Variants in ZC2HC1A observed in about 807,000 individuals in gnomAD.
ZC2HC1A encodes the protein zinc finger C2HC domain-containing protein 1A.
In ZC2HC1A, 28 loss-of-function variants were observed where a neutral mutation model predicts 40.7. That is an observed-to-expected ratio of 0.69 (90% CI 0.51 to 0.94). The LOEUF is 0.94. Among genes scored for constraint, ZC2HC1A ranks in the 40% least tolerant of loss-of-function variants. ZC2HC1A has a pLI of 0.00. For missense variants in ZC2HC1A, 389 were observed against 386.3 expected, an observed-to-expected ratio of 1.01 and a Z score of -0.06; for synonymous variants, 129 against 129.2, an observed-to-expected ratio of 1.00 and a Z score of 0.01.
intron 1 of ZC2HC1A, among the ~76,000 whole-genome samples, chr8:78,669,419 T>G (rs1187404085): frequency 6.6e-6 from 1 of 152,174 alleles, no homozygotes; most frequent in Non-Finnish European, 1.5e-5. Flanking sequence ...GCCCTCTCAG[T>G]GTGTGTTTGT....
chr8:78,715,666 G>A (rs1213303314), intron 8 of ZC2HC1A, among the ~76,000 whole-genome samples: 1 of 152,178 alleles, frequency 6.6e-6, no homozygotes, highest in Non-Finnish European at 1.5e-5. Flanking sequence ...AACTGCAGAT[G>A]TACTAGCAAA....
chr8:78,680,880 A>G (rs961902752), intron 3 of ZC2HC1A, among the ~76,000 whole-genome samples: 1 of 152,148 alleles, frequency 6.6e-6, no homozygotes, highest in African/African-American at 2.4e-5. Context: ...GCAAGACAGA[A>G]ACTGGGAGGA....
chr8:78,710,020 C>G (rs1338142303), intron 7 of ZC2HC1A, among the ~76,000 whole-genome samples: 1 of 152,170 alleles, frequency 6.6e-6, no homozygotes, highest in Non-Finnish European at 1.5e-5. Context: ...AATTCACTCT[C>G]CTGGTATCAA....
chr8:78,690,412 T>G (rs936717262), intron 5 of ZC2HC1A, among the ~76,000 whole-genome samples: 2 of 151,992 alleles, frequency 1.3e-5, no homozygotes, highest in Non-Finnish European at 2.9e-5. Context: ...TACAAAAAAT[T>G]AGCTGGACGT....
chr8:78,713,297 G>T (rs1284691405), intron 7 of ZC2HC1A, among the ~76,000 whole-genome samples: 1 of 151,810 alleles, frequency 6.6e-6, no homozygotes, highest in Non-Finnish European at 1.5e-5. Context: ...TAAATGACAG[G>T]TATTTAATAT....
intron 3 of ZC2HC1A, among the ~76,000 whole-genome samples, chr8:78,682,426 A>T (rs1809817089): frequency 6.6e-6 from 1 of 152,164 alleles, no homozygotes; most frequent in Non-Finnish European, 1.5e-5. Flanking sequence ...GTGGAAGGTG[A>T]AGAAGGAACA....
intron 7 of ZC2HC1A, among the ~76,000 whole-genome samples, chr8:78,709,674 T>C (rs1233519074): frequency 1.3e-5 from 2 of 151,802 alleles, no homozygotes; most frequent in African/African-American, 4.8e-5. Context: ...AGAATTGTCT[T>C]GGACCACATA....
intron 7 of ZC2HC1A, among the ~76,000 whole-genome samples, chr8:78,711,277 T>G (rs1810941652): frequency 6.6e-6 from 1 of 152,134 alleles, no homozygotes; most frequent in Non-Finnish European, 1.5e-5. Context: ...ATTCAGTTAT[T>G]TGGTTGGTTG....
chr8:78,686,066 A>G (rs1302969260), intron 3 of ZC2HC1A: 1 of 152,472 alleles, frequency 6.6e-6, no homozygotes, highest in African/African-American at 2.4e-5. Flanking sequence ...GGATAATGGC[A>G]TTAATCCATC....
intron 8 of ZC2HC1A, among the ~76,000 whole-genome samples, chr8:78,716,817 TCCCCA>T (rs1811121306): frequency 6.6e-6 from 1 of 152,108 alleles, no homozygotes; most frequent in Non-Finnish European, 1.5e-5. Flanking sequence ...GGGGTGGACT[TCCCCA>T]TTGCTGTTCT....
chr8:78,717,178 A>G, intron 8 of ZC2HC1A, 150 bp from the exon 9 acceptor site: 1 of 664,678 alleles, frequency 1.5e-6, no homozygotes, highest in Non-Finnish European at 2.3e-6. Context: ...AGTATTTACT[A>G]ACAAGGATTT....
At chr8:78,704,038 A>G (rs945661648) in intron 7 of ZC2HC1A, among the ~76,000 whole-genome samples, 27 of 152,070 alleles carry the variant, frequency 1.8e-4, no homozygotes, top group African/African-American at 6.0e-4. Flanking sequence ...TCCTTCACTT[A>G]TGAAGCTTAG....
At chr8:78,687,448 C>CTA (rs1810023674) in intron 4 of ZC2HC1A, among the ~76,000 whole-genome samples, 1 of 143,814 alleles carries the variant, frequency 7.0e-6, no homozygotes, top group African/African-American at 2.5e-5. Flanking sequence ...AAGCCATAGA[C>CTA]TATATATACA....
chr8:78,675,898 C>T lies in ZC2HC1A; in HGVS notation c.93+35C>T, dbSNP rs146890626. ...CTGATTTTGTACCTTTATGGTTTTA[C>T]AGATCTGTAATTGTTCAATAATTCT... is the stretch of plus-strand genomic sequence containing the variant. On this transcript the variant is annotated intron_variant, in intron 2 of 8. Transcript: ENST00000263849. 5.2e-5 allele frequency: 80 copies of T among 1,549,152 alleles called. No individual in the cohort carries two copies. In the East Asian group the frequency reaches 1.8e-3, roughly 34 times the overall value.
rs142455669 is a variant in ZC2HC1A at position 78,675,305 on chromosome 8, T to C, written c.17-482T>C. On this transcript the variant is annotated intron_variant, in intron 1 of 8. Transcript: ENST00000263849. ...GCATAACTAGGTGATCTTAATCTTA[T>C]AGCATTGTACTTTCTATTGTTTGGT... Among the ~76,000 whole-genome samples the C allele has an allele frequency of 5.7e-3, 874 of 152,076 alleles. 7 individuals carry two copies. Among genetic ancestry groups the C allele is most frequent in the African/African-American group, 0.02 (819 of 41,556 alleles).
At chr8:78,699,966 T>G (rs1029603896) in intron 7 of ZC2HC1A, among the ~76,000 whole-genome samples, 1 of 152,158 alleles carries the variant, frequency 6.6e-6, no homozygotes, top group African/African-American at 2.4e-5. Flanking sequence ...TATATATTCT[T>G]CTGGGTATAT....
intron 1 of ZC2HC1A, among the ~76,000 whole-genome samples, chr8:78,673,731 G>T (rs1019876752): frequency 6.6e-6 from 1 of 152,158 alleles, no homozygotes; most frequent in African/African-American, 2.4e-5. Flanking sequence ...ACATGCACAT[G>T]CCATATTTTG....
At chr8:78,670,392 A>G (rs1809410440) in intron 1 of ZC2HC1A, among the ~76,000 whole-genome samples, 1 of 152,224 alleles carries the variant, frequency 6.6e-6, no homozygotes, top group South Asian at 2.1e-4. Context: ...AAATGTGCTC[A>G]TCAGGACATT....
intron 1 of ZC2HC1A, 128 bp from the exon 2 acceptor site, chr8:78,675,659 C>A: frequency 1.2e-6 from 1 of 833,432 alleles, no homozygotes; most frequent in Non-Finnish European, 1.8e-6. Context: ...TTGCTTATTT[C>A]AAAATGCAGT....
Sources: gnomAD v4.1 joint callset for allele counts (sites outside exome capture counted in the v4.1 genomes callset) on GRCh38, gnomAD v4.1.1 for gene constraint, MANE v1.5 for transcripts, NCBI Gene and HGNC (gene_info 2026-07-23, HGNC 2026-07-21) for gene names.